ERC1: variants seen among roughly 807,000 people sequenced by gnomAD.
The protein encoded by ERC1 is RAB6 interacting protein 2.
A neutral mutation model predicts 132.0 loss-of-function variants in ERC1; 56 were observed. That is an observed-to-expected ratio of 0.42 (90% confidence interval 0.34 to 0.53). The LOEUF is 0.53. ERC1 is among the 20% of genes least tolerant of loss of function. The pLI, the probability that ERC1 is intolerant of heterozygous loss-of-function variation, is 0.03. For synonymous variants in ERC1, 478 were observed against 476.1 expected (o/e 1.00, Z -0.05); for missense variants, 1,202 against 1,349.9 (o/e 0.89, Z 1.72).
intron 8 of ERC1, among the ~76,000 whole-genome samples, chr12:1,177,429 A>G (rs1361575952): frequency 6.6e-6 from 1 of 152,198 alleles, no homozygotes; most frequent in African/African-American, 2.4e-5. Context: ...AGAGATGTGC[A>G]ACTTTTCCTT....
intron 15 of ERC1, among the ~76,000 whole-genome samples, chr12:1,318,047 A>C (rs183001867): frequency 6.6e-6 from 1 of 152,358 alleles, no homozygotes; most frequent in Non-Finnish European, 1.5e-5. Flanking sequence ...TACAAATACT[A>C]TTCTCAAATA....
intron 15 of ERC1, among the ~76,000 whole-genome samples, chr12:1,363,801 C>T (rs920321519): frequency 1.3e-5 from 2 of 152,134 alleles, no homozygotes; most frequent in Non-Finnish European, 2.9e-5. Context: ...AGTGATCCAC[C>T]CGCCTCAGCC....
At chr12:1,200,686 G>A (rs997394430) in intron 12 of ERC1, among the ~76,000 whole-genome samples, 34 of 152,074 alleles carry the variant, frequency 2.2e-4, no homozygotes, top group African/African-American at 8.0e-4. Flanking sequence ...ACCCTCCTGA[G>A]TAGCTGGGAC....
intron 15 of ERC1, among the ~76,000 whole-genome samples, chr12:1,301,024 A>G (rs1386118895): frequency 6.1e-5 from 8 of 130,592 alleles, no homozygotes; most frequent in African/African-American, 2.4e-4. Flanking sequence ...AAGTAACGAA[A>G]TAATGTTTTT....
intron 15 of ERC1, among the ~76,000 whole-genome samples, chr12:1,308,957 C>T (rs905179169): frequency 8.5e-5 from 13 of 152,132 alleles, no homozygotes; most frequent in Admixed American, 7.9e-4. Flanking sequence ...GATTCGTGTC[C>T]TTGTAGGAGA....
intron 8 of ERC1, among the ~76,000 whole-genome samples, chr12:1,166,310 A>C (rs1593883596): frequency 1.3e-5 from 2 of 152,234 alleles, no homozygotes; most frequent in South Asian, 4.2e-4. Context: ...TCCCCTGCAC[A>C]AGCTCTCTCT....
intron 16 of ERC1, among the ~76,000 whole-genome samples, chr12:1,403,705 A>C (rs1188767123): frequency 6.6e-6 from 1 of 152,168 alleles, no homozygotes; most frequent in Non-Finnish European, 1.5e-5. Flanking sequence ...CTCACTCCTA[A>C]GAAGTACTTT....
intron 17 of ERC1, among the ~76,000 whole-genome samples, chr12:1,439,118 C>T (rs1001621931): frequency 1.3e-5 from 2 of 152,078 alleles, no homozygotes; most frequent in African/African-American, 4.8e-5. Context: ...AACTATCTGG[C>T]ACAGAGGCAG....
chr12:1,474,263 A>G (rs1297753586), intron 18 of ERC1, among the ~76,000 whole-genome samples: 1 of 152,180 alleles, frequency 6.6e-6, no homozygotes, highest in East Asian at 1.9e-4. Context: ...GTCTGCTTAA[A>G]CCAAACTAGG....
intron 14 of ERC1, among the ~76,000 whole-genome samples, chr12:1,279,009 G>C (rs1283321154): frequency 2.6e-5 from 4 of 152,088 alleles, no homozygotes; most frequent in African/African-American, 9.7e-5. Context: ...GTGTAAATTA[G>C]TTGGAATTTA....
At chr12:1,460,920 T>G (rs575503756) in intron 18 of ERC1, among the ~76,000 whole-genome samples, 2 of 148,070 alleles carry the variant, frequency 1.4e-5, no homozygotes, top group East Asian at 2.0e-4. Flanking sequence ...AAAGGCAGTT[T>G]TCATAGGATA....
chr12:1,487,372 A>ATTTT (rs574707385), intron 18 of ERC1, among the ~76,000 whole-genome samples: 2 of 57,920 alleles, frequency 3.5e-5, no homozygotes, highest in Non-Finnish European at 6.2e-5. Flanking sequence ...AAGCATCTAG[A>ATTTT]TTTTTTTTTT....
In ERC1 at chr12:1,183,383, A is replaced by G. The variant is rs781555008; in HGVS notation, c.2119A>G (p.Lys707Glu). Residue 707 changes from lysine to glutamate, a missense_variant, in exon 11 of 19, where the codon AAG becomes GAG. Transcript: ENST00000360905. The part of the protein sequence containing the change: ...KTLEIALEQK[K>E]EECLKMESQL... Reference sequence around the variant, plus strand: ...ACTAGAGATTGCTTTGGAGCAGAAGAAGGAGGAGTGTCTGAAAATGGAATC... The same window carrying G: ...ACTAGAGATTGCTTTGGAGCAGAAGGAGGAGGAGTGTCTGAAAATGGAATC... The G allele has an allele frequency of 1.2e-5, 19 of 1,590,772 alleles. No individual in the cohort carries two copies. Among genetic ancestry groups the G allele is most frequent in the Non-Finnish European group, 1.5e-5 (18 of 1,164,182 alleles).
At chr12:1,164,997 A>G (rs1952261579) in intron 8 of ERC1, among the ~76,000 whole-genome samples, 1 of 152,222 alleles carries the variant, frequency 6.6e-6, no homozygotes, top group South Asian at 2.1e-4. Context: ...CTTTCAAACA[A>G]GCTACTCCAA....
chr12:1,042,588 T>A (rs1157674213), intron 2 of ERC1, among the ~76,000 whole-genome samples: 1 of 152,032 alleles, frequency 6.6e-6, no homozygotes, highest in Non-Finnish European at 1.5e-5. Context: ...TCCACCCACC[T>A]TGGCCTCCCA....
intron 14 of ERC1, among the ~76,000 whole-genome samples, chr12:1,275,521 A>G (rs772612985): frequency 1.3e-5 from 2 of 152,206 alleles, no homozygotes; most frequent in East Asian, 1.9e-4. Flanking sequence ...GGCTGAGGAC[A>G]TGTTAGGAAA....
chr12:1,253,721 G>A (rs2076609495), intron 13 of ERC1, among the ~76,000 whole-genome samples: 1 of 152,102 alleles, frequency 6.6e-6, no homozygotes, highest in Non-Finnish European at 1.5e-5. Context: ...ACAGCTCAGT[G>A]ATGTGTAGCT....
At chr12:1,252,588 GTTTA>G (rs959038300) in intron 13 of ERC1, among the ~76,000 whole-genome samples, 8 of 152,194 alleles carry the variant, frequency 5.3e-5, no homozygotes, top group African/African-American at 1.9e-4. Flanking sequence ...GTACTTTTCT[GTTTA>G]TTTAATGAAA....
rs1391270853 is a variant in ERC1 at position 1,284,660 on chromosome 12, TG to T, written c.2620-5188del. Reference sequence around the variant, plus strand: ...ACTGGGATGAGATAGTATCTCATTGTGGGGTTTTTTTAGGAGTGGTTTGAGG... The same window carrying T: ...ACTGGGATGAGATAGTATCTCATTGTGGGTTTTTTTAGGAGTGGTTTGAGG... On this transcript the variant is annotated intron_variant, in intron 14 of 18. Coordinates refer to ENST00000360905, the MANE Select transcript of ERC1 (RefSeq NM_178040.4). Among the ~76,000 whole-genome samples the T allele has an allele frequency of 5.9e-5, 9 of 152,336 alleles. No individual in the cohort carries two copies. The East Asian group carries it at 9.6e-4, about 16-fold the overall frequency.
Sources: allele counts gnomAD v4.1 joint callset (sites outside exome capture counted in the v4.1 genomes callset), GRCh38; gene constraint gnomAD v4.1.1; transcripts MANE v1.5; gene names NCBI Gene and HGNC (gene_info 2026-07-23, HGNC 2026-07-21).